MRPS30: variants seen among roughly 807,000 people sequenced by gnomAD.
MRPS30 encodes the protein large ribosomal subunit protein mL65.
A neutral mutation model predicts 43.8 loss-of-function variants in MRPS30; 42 were observed. The ratio of observed to expected loss-of-function variants is 0.96; its 90% CI spans 0.75 to 1.24. The LOEUF is 1.24. MRPS30 is among the 50% of genes most tolerant of loss of function. MRPS30 has a pLI of 0.00. For synonymous variants in MRPS30, 273 were observed against 228.2 expected, an observed-to-expected ratio of 1.20 and a Z score of -1.77; for missense variants, 638 against 570.0, an observed-to-expected ratio of 1.12 and a Z score of -1.22.
Position 44,809,548 on chromosome 5 carries a change from G to C in MRPS30, c.586G>C (p.Ala196Pro). 3 of 1,598,626 alleles carry C rather than the reference G, an allele frequency of 1.9e-6. No homozygotes were observed. The highest frequency in any genetic ancestry group is 2.6e-6 in the Non-Finnish European group (3 of 1,172,574). The change falls in exon 1 of 5, where the codon GCC (alanine) becomes CCC (proline). Residue 196 changes from alanine (A) to proline (P), a missense_variant. By Grantham distance (27) the Ala-to-Pro change is conservative. Coordinates refer to ENST00000507110, the MANE Select transcript of MRPS30 (RefSeq NM_016640.4). ...CCTCAGCCCACACAACCCGGCCCTG[G>C]CCGCTGCCGCCCTCGGTGAGCCTTG... ...GLLSPHNPALAAAALDYRCPV... is the reference protein window; with the variant it reads ...GLLSPHNPALPAAALDYRCPV...
chr5:44,811,995 GC>G lies in MRPS30; in HGVS notation c.829del (p.Gln277SerfsTer30). On this transcript the variant is annotated frameshift_variant, in exon 3 of 5. Coordinates refer to ENST00000507110, the MANE Select transcript of MRPS30 (RefSeq NM_016640.4). LOFTEE classifies it high-confidence loss of function. ...KPDKLPLFKR[Q>X]YENHIFVGSK... ...CAGACAAACTTCCATTATTCAAACG[GC>G]AGTATGAAAACCACATATTTGTTGG... 1 of 1,599,284 alleles carries G rather than the reference GC, an allele frequency of 6.3e-7. No individual in the cohort carries two copies. Among genetic ancestry groups the G allele is most frequent in the Non-Finnish European group, 8.5e-7 (1 of 1,170,162 alleles).
intron 2 of MRPS30, among the ~76,000 whole-genome samples, chr5:44,811,710 T>C (rs1742841777): frequency 1.3e-5 from 2 of 152,230 alleles, no homozygotes; most frequent in African/African-American, 4.8e-5. Flanking sequence ...ACACAATTTA[T>C]AAATGAATAT....
chr5:44,810,961 T>A (rs1350670754), intron 1 of MRPS30, 48 bp from the exon 2 acceptor site: 1 of 1,553,722 alleles, frequency 6.4e-7, no homozygotes, highest in Non-Finnish European at 8.8e-7. Context: ...AGTAACCAAA[T>A]TTATTTAGAT....
intron 2 of MRPS30, 72 bp downstream of exon 2, chr5:44,811,226 G>A: frequency 1.3e-6 from 2 of 1,499,662 alleles, no homozygotes; most frequent in East Asian, 2.3e-5. Flanking sequence ...TTGAGTAATA[G>A]TCTTAGTAGA....
rs770378175 is a variant in MRPS30, at chr5:44,809,004, G to C, written c.42G>C (p.Pro14=). 6.2e-7 allele frequency: 1 copy of C among 1,609,522 alleles called. No individual in the cohort carries two copies. Reference sequence around the variant, plus strand: ...GTTGGAGGCCTTTGCTACGCGGTCCGAGGCTTTCATTGCACACCGCGGCTA... The same window carrying C: ...GTTGGAGGCCTTTGCTACGCGGTCCCAGGCTTTCATTGCACACCGCGGCTA... The part of the protein sequence containing the change: ...ARCWRPLLRG[P]RLSLHTAANA... The change falls in exon 1 of 5, where the codon CCG becomes CCC. Residue 14 remains proline, a synonymous_variant. Transcript: ENST00000507110.
Position 44,811,117 on chromosome 5 carries a change from C to G in MRPS30, c.710C>G (p.Pro237Arg), listed in dbSNP as rs539788022. 6.2e-7 allele frequency: 1 copy of G among 1,613,866 alleles called. No homozygotes were observed. Among genetic ancestry groups the G allele is most frequent in the Admixed American group, 1.7e-5 (1 of 60,000 alleles). ...DDLRYQIDDK[P>R]NNQIRISKQL... ...TTGCGATACCAGATAGATGATAAAC[C>G]AAACAACCAGATTCGAATATCCAAG... Residue 237 changes from proline (P) to arginine (R), a missense_variant, in exon 2 of 5, where the codon CCA (proline) becomes CGA (arginine). Physicochemically the swap from Pro to Arg is moderately radical, Grantham distance 103. Coordinates refer to ENST00000507110, the MANE Select transcript of MRPS30 (RefSeq NM_016640.4).
In MRPS30 at chr5:44,811,074, A is replaced by C. The variant is rs1302190510; in HGVS notation, c.667A>C (p.Arg223=). The C allele has an allele frequency of 6.2e-7, 1 of 1,614,050 alleles. No homozygotes were observed. Among genetic ancestry groups the C allele is most frequent in the Admixed American group, 1.7e-5 (1 of 60,034 alleles). The change falls in exon 2 of 5, where the codon AGA becomes CGA. Residue 223 remains arginine, a synonymous_variant. Transcript: ENST00000507110. ...GEEIIPRGHR[R]GRIDDLRYQI... is the part of the protein sequence containing the mutation. Reference sequence around the variant, plus strand: ...AGAAATTATTCCTCGTGGTCATCGAAGAGGTCGAATTGATGACTTGCGATA... The same window carrying C: ...AGAAATTATTCCTCGTGGTCATCGACGAGGTCGAATTGATGACTTGCGATA...
rs1348302444 is a variant in MRPS30 at position 44,815,022 on chromosome 5, T to G, written c.1140T>G (p.Thr380=). The G allele has an allele frequency of 1.9e-6, 3 of 1,613,920 alleles. No homozygotes were observed. The highest frequency in any genetic ancestry group is 1.7e-4 in the Middle Eastern group (1 of 6,058). Residue 380 remains threonine (T), a synonymous_variant, in exon 5 of 5, where the codon ACT becomes ACG. Transcript: ENST00000507110. ...ACCAGCTAAATACTTTGGCACTGAC[T>G]ACACAAGCTGATCAAAATAACCCTC... The part of the protein sequence containing the change: ...FCYQLNTLAL[T]TQADQNNPRK...
chr5:44,812,777 A>G (rs998132599), intron 3 of MRPS30, among the ~76,000 whole-genome samples: 4 of 152,148 alleles, frequency 2.6e-5, no homozygotes, highest in African/African-American at 7.2e-5. Context: ...TAATATGACA[A>G]GGAGACAACC....
rs573435667 is a variant in MRPS30 at position 44,814,942 on chromosome 5, C to A, written c.1060C>A (p.Pro354Thr). Residue 354 changes from proline to threonine, a missense_variant, in exon 5 of 5, where the codon CCT becomes ACT. Pro to Thr is a conservative substitution (Grantham distance 38). Coordinates refer to ENST00000507110, the MANE Select transcript of MRPS30 (RefSeq NM_016640.4). ...GFWSEADVTR[P>T]FVSQAVITDG... ...CTGGAGTGAAGCAGATGTTACTCGA[C>A]CTTTTGTCTCCCAGGCTGTGATCAC... 10 of 1,612,174 alleles carry A rather than the reference C, an allele frequency of 6.2e-6. No individual in the cohort carries two copies. The African/African-American group carries it at 9.3e-5, about 15-fold the overall frequency.
At position 44,809,204 on chromosome 5, in the gene MRPS30, G is replaced by T; in HGVS notation, c.242G>T (p.Arg81Leu). Residue 81 changes from arginine (R) to leucine (L), a missense_variant, in exon 1 of 5, where the codon CGA becomes CTA. Transcript: ENST00000507110. ...GCGGAGTCGGTAGACGAGAAGCTGC[G>T]AATCCTCACCAAGATGCAGTTTATG... is the stretch of plus-strand genomic sequence containing the variant. ...HAAESVDEKL[R>L]ILTKMQFMKY... 1 of 1,613,318 alleles carries T rather than the reference G, an allele frequency of 6.2e-7. No homozygotes were observed.
chr5:44,811,850 TGA>T, intron 2 of MRPS30, 63 bp from the exon 3 acceptor site: 1 of 927,806 alleles, frequency 1.1e-6, no homozygotes, highest in African/African-American at 1.7e-5. Flanking sequence ...TTAAATCTAA[TGA>T]GTGTGAGTAA....
intron 3 of MRPS30, among the ~76,000 whole-genome samples, chr5:44,812,646 A>T (rs1268385203): frequency 6.8e-6 from 1 of 147,164 alleles, no homozygotes; most frequent in Non-Finnish European, 1.5e-5. Context: ...GTTGCTACTT[A>T]TTTTTTTTTT....
At chr5:44,812,658 T>C (rs923448652) in intron 3 of MRPS30, among the ~76,000 whole-genome samples, 2 of 152,028 alleles carry the variant, frequency 1.3e-5, no homozygotes, top group Admixed American at 6.6e-5. Flanking sequence ...TTTTTTTTTT[T>C]TTACTTAGAA....
intron 1 of MRPS30, chr5:44,809,910 T>C (rs1229474909): frequency 3.0e-5 from 8 of 262,340 alleles, no homozygotes; most frequent in Non-Finnish European, 5.0e-5. Flanking sequence ...CCAGGTTTCC[T>C]GTTGGCTGTT....
chr5:44,810,240 CTG>C (rs1320101576), intron 1 of MRPS30, among the ~76,000 whole-genome samples: 1 of 152,090 alleles, frequency 6.6e-6, no homozygotes, highest in Non-Finnish European at 1.5e-5. Context: ...ACGTAACAAA[CTG>C]AGGCATAGAA....
At position 44,815,455 on chromosome 5, in the gene MRPS30, T is replaced by A. The variant is rs1742905551; in HGVS notation, c.*253T>A. 1 of 317,012 alleles carries A rather than the reference T, an allele frequency of 3.2e-6. No individual in the cohort carries two copies. The highest frequency in any genetic ancestry group is 4.6e-5 in the Admixed American group (1 of 21,706). The allele number at this position is 317,012 out of a possible 1,614,324, so 19.6% of individuals were successfully genotyped here. A position where few individuals can be genotyped will look rare whatever the true frequency, so the allele number is the denominator to read the frequency against. On this transcript the variant is annotated 3_prime_UTR_variant, in exon 5 of 5. Transcript: ENST00000507110. ...GATAAGACAAATTGAGTTATTGAGC[T>A]ATTAAATGCACATTTTAATATAAAT... is the stretch of plus-strand genomic sequence containing the variant.
chr5:44,809,842 AG>A (rs1407669338), intron 1 of MRPS30: 2 of 435,190 alleles, frequency 4.6e-6, no homozygotes, highest in Admixed American at 3.9e-5. Context: ...GTGAGTGTTC[AG>A]CCAAATGGAA....
In MRPS30 at chr5:44,808,952, C is replaced by T. The variant is rs747772845; in HGVS notation, c.-11C>T. The T allele has an allele frequency of 1.9e-6, 3 of 1,583,358 alleles. No individual in the cohort carries two copies. In the South Asian group the frequency reaches 3.5e-5, roughly 19 times the overall value. On this transcript the variant is annotated 5_prime_UTR_variant, in exon 1 of 5. Coordinates refer to ENST00000507110, the MANE Select transcript of MRPS30 (RefSeq NM_016640.4). The stretch of plus-strand genomic sequence containing the variant: ...TTAAGTTGACCTCTGGGTCCGGAAT[C>T]GCGGGCAAAGATGGCGGCGGCCAGG...
Sources: allele counts gnomAD v4.1 joint callset (sites outside exome capture counted in the v4.1 genomes callset), GRCh38; gene constraint gnomAD v4.1.1; transcripts MANE v1.5; gene names NCBI Gene and HGNC (gene_info 2026-07-23, HGNC 2026-07-21).